The following CPED1 variants were observed in gnomAD, a reference collection of about 807,000 sequenced individuals.
CPED1 encodes cadherin like and PC-esterase domain containing 1, also known as cadherin-like and PC-esterase domain-containing protein 1.
CPED1 carries 114 observed loss-of-function variants against 128.2 expected under a neutral mutation model. The observed-to-expected ratio is 0.89, with a 90% CI of 0.76 to 1.04. CPED1 has a LOEUF of 1.04. CPED1 is among the 50% of genes least tolerant of loss of function. The pLI is 0.00. For missense variants in CPED1, 1,211 were observed against 1,207.1 expected (o/e 1.00, Z -0.05); for synonymous variants, 462 against 426.7 (o/e 1.08, Z -1.02).
chr7:120,995,942 T>C (rs963506812), intron 2 of CPED1, among the ~76,000 whole-genome samples: 4 of 78,624 alleles, frequency 5.1e-5, no homozygotes, highest in African/African-American at 5.6e-5. Flanking sequence ...TCCTCCTCCT[T>C]CTTCTCCTCC....
At chr7:121,004,100 T>A (rs1791941718) in intron 2 of CPED1, among the ~76,000 whole-genome samples, 2 of 152,166 alleles carry the variant, frequency 1.3e-5, no homozygotes, top group Admixed American at 1.3e-4. Context: ...GGAGCCGATC[T>A]TTACTGCCCT....
At chr7:121,015,341 C>T (rs1463857121) in intron 2 of CPED1, among the ~76,000 whole-genome samples, 1 of 152,216 alleles carries the variant, frequency 6.6e-6, no homozygotes, top group Non-Finnish European at 1.5e-5. Context: ...AAGCACAGTG[C>T]AGATTAAAGG....
chr7:121,122,790 A>C (rs1369199425), intron 7 of CPED1, among the ~76,000 whole-genome samples: 1 of 152,172 alleles, frequency 6.6e-6, no homozygotes, highest in Non-Finnish European at 1.5e-5. Flanking sequence ...AGAAATAATC[A>C]TTTTCATTTT....
At chr7:121,119,471 A>G (rs1158252786) in intron 7 of CPED1, among the ~76,000 whole-genome samples, 1 of 150,042 alleles carries the variant, frequency 6.7e-6, no homozygotes, top group East Asian at 2.0e-4. Context: ...GGCCCCCAAA[A>G]TTTTCATATA....
intron 18 of CPED1, among the ~76,000 whole-genome samples, chr7:121,264,590 T>C (rs1039623335): frequency 6.6e-6 from 1 of 152,062 alleles, no homozygotes; most frequent in Non-Finnish European, 1.5e-5. Flanking sequence ...ATGCAGCTAC[T>C]TGGATACGCT....
intron 3 of CPED1, among the ~76,000 whole-genome samples, chr7:121,039,271 C>T (rs1249803193): frequency 1.3e-5 from 2 of 152,000 alleles, no homozygotes; most frequent in African/African-American, 4.8e-5. Context: ...TTTAATTGCC[C>T]AGATTGCTCC....
At chr7:121,050,349 C>T (rs1360488161) in intron 4 of CPED1, 1 of 153,724 alleles carries the variant, frequency 6.5e-6, no homozygotes, top group East Asian at 1.9e-4. Context: ...ATACTTATCA[C>T]ATGGTTTATT....
At chr7:121,112,933 G>A (rs1000948593) in intron 7 of CPED1, among the ~76,000 whole-genome samples, 3 of 152,130 alleles carry the variant, frequency 2.0e-5, no homozygotes, top group African/African-American at 7.2e-5. Flanking sequence ...TATTTAAATT[G>A]GGGGCAAGGG....
chr7:121,228,784 T>C (rs1343581906), intron 16 of CPED1, among the ~76,000 whole-genome samples: 1 of 152,010 alleles, frequency 6.6e-6, no homozygotes, highest in Non-Finnish European at 1.5e-5. Context: ...ATGTGGAACA[T>C]GGACCATTAC....
intron 3 of CPED1, among the ~76,000 whole-genome samples, chr7:121,042,129 TAAA>T (rs10615785): frequency 1.1e-4 from 17 of 150,126 alleles, no homozygotes; most frequent in East Asian, 5.9e-4. Flanking sequence ...TTTTAATTGT[TAAA>T]AAAAAAAAAA....
chr7:121,114,131 T>C (rs1162186468), intron 7 of CPED1, among the ~76,000 whole-genome samples: 2 of 152,154 alleles, frequency 1.3e-5, no homozygotes, highest in East Asian at 1.9e-4. Context: ...CGCCCGGCCT[T>C]ATTTGAAACT....
At chr7:121,266,599 G>A (rs1792129572) in intron 19 of CPED1, 108 bp from the exon 20 acceptor site, 1 of 1,155,148 alleles carries the variant, frequency 8.7e-7, no homozygotes, top group African/African-American at 1.5e-5. Context: ...AAAGTACAAG[G>A]AGTCTTATGA....
rs557381355 is a variant in CPED1 at position 121,161,035 on chromosome 7, C to T, written c.2055+18894C>T. ...AAAATTTAGGAAAGTTATGAGGGAA[C>T]GGACCCCATTCACCACCTCCAACCC... On this transcript the variant is annotated intron_variant, in intron 16 of 22. Transcript: ENST00000310396. 2.6e-5 allele frequency among the ~76,000 whole-genome samples: 4 copies of T among 152,256 alleles called. No homozygotes were observed. In the South Asian group the frequency reaches 6.2e-4, roughly 24 times the overall value.
chr7:121,184,606 A>G (rs1458956288), intron 16 of CPED1, among the ~76,000 whole-genome samples: 1 of 152,170 alleles, frequency 6.6e-6, no homozygotes, highest in African/African-American at 2.4e-5. Context: ...AATATTAAAG[A>G]TAATTCTGAC....
chr7:121,075,844 G>C (rs1032486671), intron 5 of CPED1, among the ~76,000 whole-genome samples: 1 of 152,080 alleles, frequency 6.6e-6, no homozygotes. Context: ...TTACTTGGCT[G>C]TGTGGTTCAA....
intron 18 of CPED1, among the ~76,000 whole-genome samples, chr7:121,247,260 A>G (rs1375127339): frequency 6.6e-6 from 1 of 152,204 alleles, no homozygotes; most frequent in Non-Finnish European, 1.5e-5. Context: ...TGCATAGAGA[A>G]TTTCTTGAAG....
chr7:121,010,248 T>A (rs2116794863), intron 2 of CPED1, among the ~76,000 whole-genome samples: 1 of 152,320 alleles, frequency 6.6e-6, no homozygotes, highest in South Asian at 2.1e-4. Flanking sequence ...AATACATTTT[T>A]TTTTAATTTT....
At chr7:121,111,617 T>C (rs1013232502) in intron 7 of CPED1, among the ~76,000 whole-genome samples, 2 of 152,168 alleles carry the variant, frequency 1.3e-5, no homozygotes, top group Non-Finnish European at 2.9e-5. Context: ...TATTCAATGT[T>C]TGGGATGGAA....
intron 2 of CPED1, among the ~76,000 whole-genome samples, chr7:121,004,856 A>G (rs929572553): frequency 6.6e-6 from 1 of 152,218 alleles, no homozygotes; most frequent in Non-Finnish European, 1.5e-5. Flanking sequence ...AAATGAAGTC[A>G]TATGTAGTTG....
Sources: gnomAD v4.1 joint callset for allele counts (sites outside exome capture counted in the v4.1 genomes callset) on GRCh38, gnomAD v4.1.1 for gene constraint, MANE v1.5 for transcripts, NCBI Gene and HGNC (gene_info 2026-07-23, HGNC 2026-07-21) for gene names.